Variants in DIDO1 observed in about 807,000 individuals in gnomAD.
The protein encoded by DIDO1 is death-inducer obliterator 1.
DIDO1 carries 16 observed loss-of-function variants against 99.4 expected under a neutral mutation model. The observed-to-expected ratio is 0.16, with a 90% CI of 0.11 to 0.24. The LOEUF is 0.24. Among genes scored for constraint, DIDO1 ranks in the 10% least tolerant of loss-of-function variants. The pLI is 1.00. For synonymous variants in DIDO1, 1,366 were observed against 1,239.1 expected (o/e 1.10, Z -2.15); for missense variants, 2,996 against 3,014.0 (o/e 0.99, Z 0.14).
At chr20:62,891,663 C>T (rs2064401277) in intron 14 of DIDO1, among the ~76,000 whole-genome samples, 3 of 152,174 alleles carry the variant, frequency 2.0e-5, no homozygotes, top group Admixed American at 2.0e-4. Context: ...GTATCTATTT[C>T]TTCCTAAAAT....
At position 62,917,011 on chromosome 20, in the gene DIDO1, A is replaced by G. The variant is rs140333854; in HGVS notation, c.-199-2605T>C. Among the ~76,000 whole-genome samples the G allele has an allele frequency of 2.0e-3, 303 of 152,214 alleles. 1 individual carries two copies. The highest frequency in any genetic ancestry group is 6.9e-3 in the African/African-American group (285 of 41,532). ...CAGATTCTCAATGTCCACACATCTCATCGGATAGCATAAAACAAACATTTT... is the reference window on the plus strand; with the variant it reads ...CAGATTCTCAATGTCCACACATCTCGTCGGATAGCATAAAACAAACATTTT... On this transcript the variant is annotated intron_variant, in intron 1 of 15. Transcript: ENST00000395343.
In DIDO1 at chr20:62,893,890, G is replaced by A. The variant is rs758805609; in HGVS notation, c.2877C>T (p.Thr959=). The change falls in exon 12 of 16, where the codon ACC becomes ACT. Residue 959 remains threonine, a synonymous_variant. Transcript: ENST00000395343. ...CPASCGSGVV[T]TVTVSGRDPR... Reference sequence around the variant, plus strand: ...GGTCCCGGCCGGACACTGTGACGGTGGTGACCACCCCGCTCCCACAGGAGG... The same window carrying A: ...GGTCCCGGCCGGACACTGTGACGGTAGTGACCACCCCGCTCCCACAGGAGG... 4 of 1,611,330 alleles carry A rather than the reference G, an allele frequency of 2.5e-6. No homozygotes were observed. The highest frequency in any genetic ancestry group is 1.3e-5 in the African/African-American group (1 of 74,994).
At chr20:62,930,992 G>C (rs1404007907), upstream of DIDO1, among the ~76,000 whole-genome samples, 1 of 152,186 alleles carries the variant, frequency 6.6e-6, no homozygotes, top group Admixed American at 6.5e-5. Flanking sequence ...CCAGGCTGGA[G>C]TGCAGTAGTG....
rs941574930 is a variant in DIDO1, at chr20:62,893,029, A to G, written c.3102-67T>C. The G allele has an allele frequency of 2.7e-6, 4 of 1,502,476 alleles. No homozygotes were observed. The African/African-American group carries it at 5.1e-5, about 19-fold the overall frequency. The allele number at this position is 1,502,476 out of a possible 1,614,324, so 93.1% of individuals were successfully genotyped here. On this transcript the variant is annotated intron_variant, in intron 12 of 15. Coordinates refer to ENST00000395343, the MANE Select transcript of DIDO1 (RefSeq NM_001193369.2). ...TGCAATGAGAATTTCAAAAGTAGAA[A>G]GCCTTTTTTTTTTTTGAGACAGGAT...
chr20:62,922,050 ATATATATATACACACACTATATACAC>A (rs1568885313), intron 1 of DIDO1, among the ~76,000 whole-genome samples: 5 of 122,576 alleles, frequency 4.1e-5, no homozygotes, highest in African/African-American at 1.2e-4. Context: ...TATACACACA[ATATATATATACACACACTATATACAC>A]TATATACACA....
At chr20:62,914,445 A>G (rs2065002440) in intron 1 of DIDO1, 39 bp from the exon 2 acceptor site, 1 of 152,258 alleles carries the variant, frequency 6.6e-6, no homozygotes. Flanking sequence ...TATCTTAAGT[A>G]AACTACGTAT....
At chr20:62,899,940 CTT>C (rs2064626102) in intron 6 of DIDO1, among the ~76,000 whole-genome samples, 2 of 152,230 alleles carry the variant, frequency 1.3e-5, no homozygotes, top group Admixed American at 6.5e-5. Context: ...GGGACAGAAA[CTT>C]TTTAGTGGAG....
At position 62,907,310 on chromosome 20, in the gene DIDO1, T is replaced by A; in HGVS notation, c.1211A>T (p.His404Leu). Residue 404 changes from histidine to leucine, a missense_variant, in exon 5 of 16, where the codon CAC becomes CTC. His to Leu is a moderately conservative substitution (Grantham distance 99). This residue lies in a region of DIDO1 where 898 missense variants were observed against 972.7 expected (regional missense o/e 0.92). Transcript: ENST00000395343. Reference sequence around the variant, plus strand: ...GTACACCGAGTCGGGCTGCGCCACGTGACAGCACCCGGGGCCAATACATTT... The same window carrying A: ...GTACACCGAGTCGGGCTGCGCCACGAGACAGCACCCGGGGCCAATACATTT... ...ASKCIGPGCCHVAQPDSVYCS... is the reference protein window; with the variant it reads ...ASKCIGPGCCLVAQPDSVYCS... The A allele has an allele frequency of 6.2e-7, 1 of 1,614,234 alleles. No individual in the cohort carries two copies. Among genetic ancestry groups the A allele is most frequent in the Non-Finnish European group, 8.5e-7 (1 of 1,180,050 alleles).
rs1360801563 is a variant in DIDO1, at chr20:62,911,242, C to T, written c.371G>A (p.Gly124Asp). 1.2e-6 allele frequency: 2 copies of T among 1,613,246 alleles called. No homozygotes were observed. The highest frequency in any genetic ancestry group is 1.7e-6 in the Non-Finnish European group (2 of 1,180,020). Residue 124 changes from glycine (G) to aspartate (D), a missense_variant, in exon 3 of 16, where the codon GGC becomes GAC. This residue lies in a region of DIDO1 where 388 missense variants were observed against 376.6 expected (regional missense o/e 1.03). Coordinates refer to ENST00000395343, the MANE Select transcript of DIDO1 (RefSeq NM_001193369.2). This position sits in a 1 kb window ranked among gnomAD's most constrained non-coding sequence, Gnocchi z 7.0. ...CACAGCTGTGGAAGCAGACTGGGGG[C>T]CGCTTCTGGTCTCAGAAGCGCTTTC... ...SVESASETRS[G>D]PQSASTAVKE...
rs1415892135 is a variant in DIDO1, at chr20:62,906,096, C to T, written c.1379G>A (p.Gly460Asp). 3.7e-6 allele frequency: 6 copies of T among 1,607,952 alleles called. No individual in the cohort carries two copies. The highest frequency in any genetic ancestry group is 3.4e-6 in the Non-Finnish European group (4 of 1,176,896). The change falls in exon 6 of 16, where the codon GGT becomes GAT. Residue 460 changes from glycine to aspartate, a missense_variant. By Grantham distance (94) the Gly-to-Asp change is moderately conservative. Transcript: ENST00000395343. ...PSLPKCGAQA[G>D]IKISSVHKRP... ...CTTGTGCACAGAAGAGATTTTAATA[C>T]CTGCCTGGATAATCAGTAAAACCCC...
At chr20:62,889,773 A>C in intron 15 of DIDO1, 1 of 985,430 alleles carries the variant, frequency 1.0e-6, no homozygotes, top group Non-Finnish European at 1.2e-6. Flanking sequence ...ATTTGAGGGG[A>C]CACACTAAAG....
chr20:62,922,105 T>TAC (rs1392712833), intron 1 of DIDO1, among the ~76,000 whole-genome samples: 13 of 67,780 alleles, frequency 1.9e-4, no homozygotes, highest in African/African-American at 6.8e-4. Context: ...ACACACTATA[T>TAC]ATATACACAC....
rs367781125 is a variant in DIDO1 at position 62,896,753 on chromosome 20, G to C, written c.1832C>G (p.Ala611Gly). 7.4e-6 allele frequency: 12 copies of C among 1,613,472 alleles called. No homozygotes were observed. The highest frequency in any genetic ancestry group is 1.0e-5 in the Non-Finnish European group (12 of 1,179,546). Reference sequence around the variant, plus strand: ...TGCAGGTGCCGGTCCGGCCTGCCTGGCAGCTGAAGCACCACTCGATGGGGT... The same window carrying C: ...TGCAGGTGCCGGTCCGGCCTGCCTGCCAGCTGAAGCACCACTCGATGGGGT... Reference protein sequence around the residue: ...SATPSSGASAARQAGPAPAAA... With the variant: ...SATPSSGASAGRQAGPAPAAA... Residue 611 changes from alanine to glycine, a missense_variant, in exon 7 of 16, where the codon GCC becomes GGC. Around this residue, in one of 5 missense-constraint regions of DIDO1, gnomAD observed 898 missense variants for 972.7 expected, o/e 0.92. Transcript: ENST00000395343. This position sits in a 1 kb window ranked among gnomAD's most constrained non-coding sequence, Gnocchi z 4.4.
At chr20:62,895,261 G>T in intron 8 of DIDO1, 96 bp from the exon 9 acceptor site, 1 of 1,188,744 alleles carries the variant, frequency 8.4e-7, no homozygotes, top group Non-Finnish European at 1.2e-6. Context: ...AGTTTAGCGG[G>T]CACAGGACAA....
Position 62,894,214 on chromosome 20 carries a change from G to T in DIDO1, c.2573-20C>A, listed in dbSNP as rs377723026. ...CCTGGCCTGAAGAAGGCGAGGAAAG[G>T]CTCTGTGAGAAACCCAGCCGGCACA... On this transcript the variant is annotated intron_variant, in intron 11 of 15. Transcript: ENST00000395343. The surrounding 1 kb of genome is among the most constrained non-coding windows in gnomAD (Gnocchi z 4.4). 2 of 1,604,606 alleles carry T rather than the reference G, an allele frequency of 1.2e-6. No individual in the cohort carries two copies. The highest frequency in any genetic ancestry group is 2.7e-5 in the African/African-American group (2 of 74,582).
At chr20:62,912,015 C>T (rs541137900) in intron 2 of DIDO1, among the ~76,000 whole-genome samples, 4 of 152,322 alleles carry the variant, frequency 2.6e-5, no homozygotes, top group East Asian at 1.9e-4. Context: ...CCAGCACCTC[C>T]GCAGGCAGAT....
intron 6 of DIDO1, 107 bp downstream of exon 6, chr20:62,905,780 A>T: frequency 6.2e-7 from 1 of 1,611,108 alleles, no homozygotes; most frequent in Non-Finnish European, 8.5e-7. Flanking sequence ...GGTGTCTGTG[A>T]TCAGCTTAAC....
At chr20:62,929,692 A>AAAAAATATATATATATATATATATAT, upstream of DIDO1, among the ~76,000 whole-genome samples, 1 of 63,708 alleles carries the variant, frequency 1.6e-5, no homozygotes. Context: ...AAAAAGAAAA[A>AAAAAATATATATATATATATATATAT]GTGTATATAT....
At chr20:62,890,533 T>C (rs1035305821) in intron 15 of DIDO1, 3 of 1,004,784 alleles carry the variant, frequency 3.0e-6, no homozygotes, top group Non-Finnish European at 3.6e-6. Context: ...TTAAGTCTCC[T>C]GGAAATCCAT....
Sources: gnomAD v4.1 joint callset for allele counts (sites outside exome capture counted in the v4.1 genomes callset) on GRCh38, gnomAD v4.1.1 for gene constraint, gnomAD v4.1.1 regional missense constraint, Gnocchi (gnomAD v3.1) non-coding constraint, MANE v1.5 for transcripts, NCBI Gene and HGNC (gene_info 2026-07-23, HGNC 2026-07-21) for gene names.